The following CNTNAP2 variants were observed in gnomAD, a reference collection of about 807,000 sequenced individuals.
The protein encoded by CNTNAP2 is contactin associated protein 2.
A neutral mutation model predicts 155.2 loss-of-function variants in CNTNAP2; 98 were observed. The ratio of observed to expected loss-of-function variants is 0.63; its 90% CI spans 0.54 to 0.75. The LOEUF (loss-of-function observed/expected upper bound fraction) is 0.75. Ranked by LOEUF, CNTNAP2 falls within the 30% of genes least tolerant of loss-of-function variation. The probability of loss-of-function intolerance (pLI) is 0.00; values close to 1 mark genes in which losing one functional copy is unlikely to be tolerated. For synonymous variants in CNTNAP2, 651 were observed against 631.2 expected (o/e 1.03, Z -0.47); for missense variants, 1,727 against 1,688.1 (o/e 1.02, Z -0.40).
chr7:147,538,564 C>T (rs1003718974), intron 11 of CNTNAP2, among the ~76,000 whole-genome samples: 4 of 151,998 alleles, frequency 2.6e-5, no homozygotes, highest in African/African-American at 9.7e-5. Context: ...GCAGGAGGAT[C>T]GCTTGAGCCC....
intron 13 of CNTNAP2, among the ~76,000 whole-genome samples, chr7:147,870,022 T>A (rs78324231): frequency 0.018 from 2,668 of 152,262 alleles, 80 homozygotes; most frequent in East Asian, 0.13. Context: ...TTATTATTAC[T>A]TCCATTTAAC....
chr7:146,515,911 A>C (rs546857402), intron 1 of CNTNAP2, among the ~76,000 whole-genome samples: 1 of 152,068 alleles, frequency 6.6e-6, no homozygotes, highest in Non-Finnish European at 1.5e-5. Context: ...ATAGATTCCT[A>C]TCTCAATATG....
At chr7:146,428,677 A>C (rs371933275) in intron 1 of CNTNAP2, among the ~76,000 whole-genome samples, 4 of 151,880 alleles carry the variant, frequency 2.6e-5, no homozygotes, top group African/African-American at 9.7e-5. Flanking sequence ...AGATTGCAAA[A>C]ATCTTCTCCC....
At chr7:148,047,194 C>T (rs935414069) in intron 15 of CNTNAP2, among the ~76,000 whole-genome samples, 1 of 152,192 alleles carries the variant, frequency 6.6e-6, no homozygotes, top group African/African-American at 2.4e-5. Context: ...AGGAGTATGA[C>T]CCATAAAATC....
rs1424281934 is a variant in CNTNAP2 at position 148,283,296 on chromosome 7, AAAGAAAGAAAGG to A, written c.3475+16174_3475+16185del. 1.0e-3 allele frequency among the ~76,000 whole-genome samples: 97 copies of A among 97,064 alleles called. 3 individuals carry two copies. The highest frequency in any genetic ancestry group is 2.2e-3 in the African/African-American group (36 of 16,436). The allele number at this position is 97,064 out of a possible 152,430, so 63.7% of individuals were successfully genotyped here. A position where few individuals can be genotyped will look rare whatever the true frequency, so the allele number is the denominator to read the frequency against. On this transcript the variant is annotated intron_variant, in intron 21 of 23. Transcript: ENST00000361727. ...GAAAGAAAGAAAGAAAGAAAGAAAG[AAAGAAAGAAAGG>A]AAGGAAGGAAGGAAAGAAAGAAAGA...
chr7:148,172,406 T>C lies in CNTNAP2; in HGVS notation c.2938T>C (p.Cys980Arg). The change falls in exon 18 of 24, where the codon TGC becomes CGC. Residue 980 changes from cysteine to arginine, a missense_variant. Coordinates refer to ENST00000361727, the MANE Select transcript of CNTNAP2 (RefSeq NM_014141.6). ...YGTNCENGGK[C>R]LERYHGYSCD... Reference sequence around the variant, plus strand: ...AACAAACTGTGAAAATGGAGGCAAATGCCTAGAGAGATACCACGGTTACTC... The same window carrying C: ...AACAAACTGTGAAAATGGAGGCAAACGCCTAGAGAGATACCACGGTTACTC... 1 of 1,614,112 alleles carries C rather than the reference T, an allele frequency of 6.2e-7. No homozygotes were observed. The highest frequency in any genetic ancestry group is 8.5e-7 in the Non-Finnish European group (1 of 1,180,022).
chr7:148,054,801 G>A (rs1232624753), intron 15 of CNTNAP2, among the ~76,000 whole-genome samples: 1 of 151,744 alleles, frequency 6.6e-6, no homozygotes, highest in East Asian at 1.9e-4. Context: ...GTGGTTTTGA[G>A]CCATGTAGAG....
chr7:147,885,257 G>T (rs1739233955), intron 13 of CNTNAP2, among the ~76,000 whole-genome samples: 1 of 152,166 alleles, frequency 6.6e-6, no homozygotes, highest in Non-Finnish European at 1.5e-5. Context: ...AGGCTTATTT[G>T]TCTCCCTTGT....
intron 13 of CNTNAP2, chr7:147,704,294 TA>T: frequency 6.2e-6 from 1 of 161,072 alleles, no homozygotes. Flanking sequence ...TTCTTTCTTA[TA>T]AATTATATTC....
intron 10 of CNTNAP2, among the ~76,000 whole-genome samples, chr7:147,418,202 T>C (rs1028909764): frequency 6.6e-6 from 1 of 152,204 alleles, no homozygotes; most frequent in Admixed American, 6.5e-5. Flanking sequence ...AAAAGATTCA[T>C]TGATGGAAAG....
At chr7:147,890,583 A>C (rs1799673307) in intron 13 of CNTNAP2, among the ~76,000 whole-genome samples, 1 of 152,228 alleles carries the variant, frequency 6.6e-6, no homozygotes, top group African/African-American at 2.4e-5. Flanking sequence ...CAGATGTGGA[A>C]TCAACCCAAG....
At chr7:146,180,373 C>T (rs1388381692) in intron 1 of CNTNAP2, among the ~76,000 whole-genome samples, 1 of 146,076 alleles carries the variant, frequency 6.8e-6, no homozygotes, top group East Asian at 2.0e-4. Context: ...TCTTTCTTTT[C>T]CTTCCTTTTA....
intron 13 of CNTNAP2, among the ~76,000 whole-genome samples, chr7:147,737,223 A>G (rs932241721): frequency 3.3e-5 from 5 of 152,096 alleles, no homozygotes; most frequent in Non-Finnish European, 7.4e-5. Context: ...CTTTCTGTTT[A>G]TTAGATTTCC....
intron 21 of CNTNAP2, among the ~76,000 whole-genome samples, chr7:148,291,536 C>T (rs1797190504): frequency 6.6e-6 from 1 of 152,020 alleles, no homozygotes; most frequent in Non-Finnish European, 1.5e-5. Context: ...TGTATTCTAG[C>T]CGTGCTGGCA....
At chr7:147,576,978 G>A (rs1034612759) in intron 12 of CNTNAP2, among the ~76,000 whole-genome samples, 1 of 152,058 alleles carries the variant, frequency 6.6e-6, no homozygotes, top group Non-Finnish European at 1.5e-5. Flanking sequence ...TCCTTGGGAT[G>A]TATTTTAAAA....
intron 8 of CNTNAP2, among the ~76,000 whole-genome samples, chr7:147,179,324 A>G (rs1802410448): frequency 6.6e-6 from 1 of 152,174 alleles, no homozygotes; most frequent in African/African-American, 2.4e-5. Flanking sequence ...TATGTTCAAG[A>G]TTATTGAAAG....
chr7:147,594,800 G>A (rs915777975), intron 12 of CNTNAP2, among the ~76,000 whole-genome samples: 10 of 152,134 alleles, frequency 6.6e-5, no homozygotes, highest in African/African-American at 2.4e-4. Flanking sequence ...ACCAAGGCAA[G>A]CTCTAAAGTA....
intron 3 of CNTNAP2, among the ~76,000 whole-genome samples, chr7:146,966,196 T>A (rs770616121): frequency 1.2e-4 from 19 of 152,234 alleles, no homozygotes; most frequent in Admixed American, 2.6e-4. Context: ...CCTTCTGGTC[T>A]TAGTGTAACA....
intron 8 of CNTNAP2, among the ~76,000 whole-genome samples, chr7:147,271,830 G>A (rs954683280): frequency 1.3e-5 from 2 of 152,138 alleles, no homozygotes; most frequent in Non-Finnish European, 2.9e-5. Flanking sequence ...TGACATTTGG[G>A]TGGGGACATA....
Sources: gnomAD v4.1 joint callset for allele counts (sites outside exome capture counted in the v4.1 genomes callset) on GRCh38, gnomAD v4.1.1 for gene constraint, MANE v1.5 for transcripts, NCBI Gene and HGNC (gene_info 2026-07-23, HGNC 2026-07-21) for gene names.